Variants in RPS19BP1 observed in about 807,000 individuals in gnomAD.
The protein encoded by RPS19BP1 is active regulator of SIRT1.
Under a neutral mutation model 16.6 loss-of-function variants are expected in RPS19BP1, and 14 were observed. The ratio of observed to expected loss-of-function variants is 0.84; its 90% CI spans 0.56 to 1.32. The LOEUF (loss-of-function observed/expected upper bound fraction) is 1.32, where lower values mean the gene tolerates loss of function less well. Ranked by LOEUF, RPS19BP1 falls within the 40% of genes most tolerant of loss-of-function variation. The pLI is 0.00. For missense variants in RPS19BP1, 188 were observed against 178.6 expected (o/e 1.05, Z -0.30); for synonymous variants, 90 against 77.3 (o/e 1.16, Z -0.86).
At chr22:39,530,453 G>A in intron 2 of RPS19BP1, 1 of 241,888 alleles carries the variant, frequency 4.1e-6, no homozygotes, top group Non-Finnish European at 8.5e-6. Context: ...GCTGGGTGCG[G>A]TGGCTCACAC....
intron 2 of RPS19BP1, chr22:39,530,155 C>G (rs1931270423): frequency 3.8e-6 from 2 of 521,512 alleles, no homozygotes; most frequent in Non-Finnish European, 6.8e-6. Context: ...AAGGGAGCTA[C>G]TCTGGAGCTT....
chr22:39,529,958 C>G (rs760344032), intron 2 of RPS19BP1, 41 bp from the exon 3 acceptor site: 1 of 1,508,252 alleles, frequency 6.6e-7, no homozygotes, highest in Admixed American at 1.7e-5. Flanking sequence ...AGATTCACTC[C>G]CCCTGGAACC....
At chr22:39,530,701 G>A (rs1931285487) in intron 2 of RPS19BP1, 1 of 151,738 alleles carries the variant, frequency 6.6e-6, no homozygotes, top group Non-Finnish European at 1.5e-5. Context: ...ACTCCAGCCT[G>A]GGTGACAAAG....
In RPS19BP1 at chr22:39,529,139, A is replaced by C. The variant is rs1931234615; in HGVS notation, c.*353T>G. 1 of 285,750 alleles carries C rather than the reference A, an allele frequency of 3.5e-6. No homozygotes were observed. The highest frequency in any genetic ancestry group is 3.5e-5 in the South Asian group (1 of 28,714). The allele number at this position is 285,750 out of a possible 1,614,324, so 17.7% of individuals were successfully genotyped here. On this transcript the variant is annotated 3_prime_UTR_variant, in exon 4 of 4. Coordinates refer to ENST00000334678, the MANE Select transcript of RPS19BP1 (RefSeq NM_194326.4). ...AACTTGGAAGCCCACCCTTCTTCCT[A>C]CTCCTGGAGCTGTCGTCCCCAAGGG...
chr22:39,532,688 C>G lies in RPS19BP1; in HGVS notation c.51G>C (p.Glu17Asp), dbSNP rs373563913. The G allele has an allele frequency of 2.1e-5, 33 of 1,545,298 alleles. No homozygotes were observed. Among genetic ancestry groups the G allele is most frequent in the Non-Finnish European group, 2.9e-5 (33 of 1,148,570 alleles). Residue 17 changes from glutamate to aspartate, a missense_variant and splice_region_variant, in exon 1 of 4, where the codon GAG (glutamate) becomes GAC (aspartate). Transcript: ENST00000334678. ...CGTCCCCTGGCCAGCCCTCCTCACCCTCGGACGCCGCCAGCAGCTCCAGGC... is the reference window on the plus strand; with the variant it reads ...CGTCCCCTGGCCAGCCCTCCTCACCGTCGGACGCCGCCAGCAGCTCCAGGC... ...RRGLELLAAS[E>D]APRDPPGQAK...
At chr22:39,529,688 G>A in intron 3 of RPS19BP1, 65 bp from the exon 4 acceptor site, 2 of 1,605,344 alleles carry the variant, frequency 1.2e-6, no homozygotes, top group Non-Finnish European at 1.7e-6. Flanking sequence ...AAAGGTCACA[G>A]GGGAGTTCGG....
chr22:39,529,999 A>C (rs1466899266), intron 2 of RPS19BP1, 82 bp from the exon 3 acceptor site: 8 of 1,146,978 alleles, frequency 7.0e-6, no homozygotes, highest in African/African-American at 1.5e-5. Context: ...GGCCCTGCCA[A>C]AGACCTCATC....
chr22:39,532,213 C>T (rs1931329369), intron 2 of RPS19BP1, 182 bp downstream of exon 2: 3 of 737,156 alleles, frequency 4.1e-6, no homozygotes, highest in Non-Finnish European at 6.6e-6. Context: ...CCGTAGTCCA[C>T]GAGGACCAGG....
chr22:39,529,445 G>A lies in RPS19BP1; in HGVS notation c.*47C>T, dbSNP rs748228393. On this transcript the variant is annotated 3_prime_UTR_variant, in exon 4 of 4. Coordinates refer to ENST00000334678, the MANE Select transcript of RPS19BP1 (RefSeq NM_194326.4). ...CCGGTTCCTGGAGCCAGCAGGAGTC[G>A]GAGGCTGCAGGGCTTGAAGGCCTCT... The A allele has an allele frequency of 1.7e-5, 27 of 1,607,974 alleles. No homozygotes were observed. Among genetic ancestry groups the A allele is most frequent in the Admixed American group, 1.0e-4 (6 of 58,876 alleles).
At chr22:39,530,174 G>T in intron 2 of RPS19BP1, 1 of 483,134 alleles carries the variant, frequency 2.1e-6, no homozygotes, top group Non-Finnish European at 3.7e-6. Flanking sequence ...TTTCGCTTCA[G>T]TGAGAGATGA....
At position 39,529,413 on chromosome 22, in the gene RPS19BP1, G is replaced by T; in HGVS notation, c.*79C>A. 2 of 1,568,272 alleles carry T rather than the reference G, an allele frequency of 1.3e-6. No homozygotes were observed. The highest frequency in any genetic ancestry group is 1.1e-5 in the South Asian group (1 of 87,340). ...CTGCATCGCCATCTGCTGGCCGCGC[G>T]GCACGGCCGGTTCCTGGAGCCAGCA... On this transcript the variant is annotated 3_prime_UTR_variant, in exon 4 of 4. Coordinates refer to ENST00000334678, the MANE Select transcript of RPS19BP1 (RefSeq NM_194326.4).
In RPS19BP1 at chr22:39,529,856, C is replaced by T; in HGVS notation, c.243G>A (p.Arg81=). The T allele has an allele frequency of 1.9e-6, 3 of 1,614,192 alleles. No homozygotes were observed. Among genetic ancestry groups the T allele is most frequent in the Non-Finnish European group, 2.5e-6 (3 of 1,180,040 alleles). Residue 81 remains arginine, a synonymous_variant, in exon 3 of 4, where the codon AGG becomes AGA. Transcript: ENST00000334678. ...HLRVNLKFLT[R]TRSTVAESVS... is the part of the protein sequence containing the mutation. ...CAGACTCAGCCACGGTGCTTCTCGTCCTGGTCAGAAACTTCAGGTTTACTC... is the reference window on the plus strand; with the variant it reads ...CAGACTCAGCCACGGTGCTTCTCGTTCTGGTCAGAAACTTCAGGTTTACTC...
chr22:39,529,309 C>T lies in RPS19BP1; in HGVS notation c.*183G>A. The T allele has an allele frequency of 1.3e-6, 1 of 769,604 alleles. No homozygotes were observed. Among genetic ancestry groups the T allele is most frequent in the Admixed American group, 2.9e-5 (1 of 34,634 alleles). 47.7% of individuals were successfully genotyped at this position (769,604 alleles called of 1,614,324 possible). A position where few individuals can be genotyped will look rare whatever the true frequency, so the allele number is the denominator to read the frequency against. On this transcript the variant is annotated 3_prime_UTR_variant, in exon 4 of 4. Coordinates refer to ENST00000334678, the MANE Select transcript of RPS19BP1 (RefSeq NM_194326.4). ...CAGCTCCGGTCTGTGTGTAAATCCT[C>T]CCCAGGACTTCCGGCCCACCAGCTC...
Position 39,532,480 on chromosome 22 carries a change from C to T in RPS19BP1, c.96G>A (p.Pro32=), listed in dbSNP as rs746567163. The T allele has an allele frequency of 1.9e-6, 3 of 1,614,094 alleles. No homozygotes were observed. The highest frequency in any genetic ancestry group is 2.2e-5 in the South Asian group (2 of 91,092). The change falls in exon 2 of 4, where the codon CCG becomes CCA. Residue 32 remains proline (P), a synonymous_variant. Coordinates refer to ENST00000334678, the MANE Select transcript of RPS19BP1 (RefSeq NM_194326.4). ...CCTTCGTCTTCCGGGGCCGTTTCAC[C>T]GGAGCCCCTCTCGGCTTGGCCTGAC... The part of the protein sequence containing the change: ...PPGQAKPRGA[P]VKRPRKTKAI...
In RPS19BP1 at chr22:39,532,442, T is replaced by TG. The variant is rs1274222016; in HGVS notation, c.133dup (p.Gln45ProfsTer44). 24 of 1,614,254 alleles carry TG rather than the reference T, an allele frequency of 1.5e-5. No homozygotes were observed. Among genetic ancestry groups the TG allele is most frequent in the Non-Finnish European group, 2.0e-5 (24 of 1,180,040 alleles). ...TCCCTTGGCCGAGTTCCGCAGTTTC[T>TG]GGGCCTGAATTGCCTTCGTCTTCCG... On this transcript the variant is annotated frameshift_variant, in exon 2 of 4. Transcript: ENST00000334678. LOFTEE classifies it high-confidence loss of function.
chr22:39,532,624 C>G (rs1197079546), intron 1 of RPS19BP1, 63 bp downstream of exon 1: 2 of 1,595,218 alleles, frequency 1.3e-6, no homozygotes, highest in Non-Finnish European at 1.7e-6. Context: ...ATCCAGGGCT[C>G]CCGCCCGCAG....
In RPS19BP1 at chr22:39,529,408, C is replaced by G. The variant is rs1931242666; in HGVS notation, c.*84G>C. 11 of 1,560,546 alleles carry G rather than the reference C, an allele frequency of 7.0e-6. No individual in the cohort carries two copies. The highest frequency in any genetic ancestry group is 7.8e-6 in the Non-Finnish European group (9 of 1,151,120). ...TGGTCCTGCATCGCCATCTGCTGGC[C>G]GCGCGGCACGGCCGGTTCCTGGAGC... is the stretch of plus-strand genomic sequence containing the variant. On this transcript the variant is annotated 3_prime_UTR_variant, in exon 4 of 4. Coordinates refer to ENST00000334678, the MANE Select transcript of RPS19BP1 (RefSeq NM_194326.4).
chr22:39,532,174 A>G, intron 2 of RPS19BP1: 5 of 571,210 alleles, frequency 8.8e-6, no homozygotes, highest in Middle Eastern at 4.7e-4. Flanking sequence ...TGGGTTTGAT[A>G]TTCTTTGATG....
At chr22:39,530,165 T>G in intron 2 of RPS19BP1, 1 of 497,836 alleles carries the variant, frequency 2.0e-6, no homozygotes, top group South Asian at 2.8e-5. Flanking sequence ...CTCTGGAGCT[T>G]TCGCTTCAGT....
Sources: allele counts gnomAD v4.1 joint callset, GRCh38; gene constraint gnomAD v4.1.1; transcripts MANE v1.5; gene names NCBI Gene and HGNC (gene_info 2026-07-23, HGNC 2026-07-21).